RBM43: variants seen among roughly 807,000 people sequenced by gnomAD.
RBM43 encodes RNA binding motif protein 43.
In RBM43, 12 loss-of-function variants were observed where a neutral mutation model predicts 12.4. The observed-to-expected ratio is 0.97, with a 90% CI of 0.62 to 1.57. The LOEUF is 1.57. Among genes scored for constraint, RBM43 ranks in the 40% most tolerant of loss-of-function variants. RBM43 has a pLI of 0.00. For missense variants in RBM43, 348 were observed against 400.1 expected, an observed-to-expected ratio of 0.87 and a Z score of 1.11; for synonymous variants, 138 against 145.7, an observed-to-expected ratio of 0.95 and a Z score of 0.38.
In RBM43 at chr2:151,252,777, C is replaced by CT; in HGVS notation, c.292dup (p.Arg98LysfsTer7). On this transcript the variant is annotated frameshift_variant, in exon 3 of 4. Transcript: ENST00000331426. LOFTEE classifies it low-confidence loss of function (END_TRUNC). ...TACCTTGTCACCAAAATGAGAGACTCTGAGAGAGACTGTGAGTTCAGCATG... is the reference window on the plus strand; with the variant it reads ...TACCTTGTCACCAAAATGAGAGACTCTTGAGAGAGACTGTGAGTTCAGCATG... 1 of 1,604,598 alleles carries CT rather than the reference C, an allele frequency of 6.2e-7. No homozygotes were observed. Among genetic ancestry groups the CT allele is most frequent in the East Asian group, 2.2e-5 (1 of 44,810 alleles).
chr2:151,259,139 A>C (rs79178221), intron 1 of RBM43, among the ~76,000 whole-genome samples: 1,181 of 52,972 alleles, frequency 0.022, 30 homozygotes, highest in East Asian at 0.19. Flanking sequence ...CTTCGTCCCC[A>C]AAAAAAAAAA....
At chr2:151,253,326 C>G (rs76496228) in intron 2 of RBM43, among the ~76,000 whole-genome samples, 4,135 of 152,222 alleles carry the variant, frequency 0.027, 77 homozygotes, top group African/African-American at 0.052. Flanking sequence ...GTGATCTCAA[C>G]CATCTCTATG....
chr2:151,250,962 CAGA>C lies in RBM43; in HGVS notation c.1015_1017del (p.Ser339del), dbSNP rs1558868469. ...ACCCCTTTTTTAAACAGGTAAGTGT[CAGA>C]AGAAGATCCTATAATGTCAATGTGT... On this transcript the variant is annotated inframe_deletion, in exon 4 of 4. Transcript: ENST00000331426. The C allele has an allele frequency of 2.5e-6, 4 of 1,609,550 alleles. No individual in the cohort carries two copies. Among genetic ancestry groups the C allele is most frequent in the Non-Finnish European group, 2.5e-6 (3 of 1,177,910 alleles).
rs752417849 is a variant in RBM43 at position 151,255,563 on chromosome 2, C to T, written c.184G>A (p.Val62Ile). The change falls in exon 2 of 4, where the codon GTT (valine) becomes ATT (isoleucine). Residue 62 changes from valine to isoleucine, a missense_variant. Physicochemically the swap from Val to Ile is conservative, Grantham distance 29. Transcript: ENST00000331426. Reference sequence around the variant, plus strand: ...TTTTCTTTGAATATTACATATGCAACTCCCTTGGTTCTTGTCGGATATATC... The same window carrying T: ...TTTTCTTTGAATATTACATATGCAATTCCCTTGGTTCTTGTCGGATATATC... ...DVIYPTRTKG[V>I]AYVIFKEKKV... 3 of 1,612,988 alleles carry T rather than the reference C, an allele frequency of 1.9e-6. No homozygotes were observed. Among genetic ancestry groups the T allele is most frequent in the Admixed American group, 1.7e-5 (1 of 59,978 alleles).
rs370018390 is a variant in RBM43 at position 151,261,758 on chromosome 2, C to G, written c.-31G>C. On this transcript the variant is annotated 5_prime_UTR_variant, in exon 1 of 4. Transcript: ENST00000331426. ...AGGGGAGACGCGCCCTCAGCGGCCGCAGAAAGCCCACAACCAGCGGAACGC... is the reference window on the plus strand; with the variant it reads ...AGGGGAGACGCGCCCTCAGCGGCCGGAGAAAGCCCACAACCAGCGGAACGC... 2.5e-5 allele frequency: 40 copies of G among 1,598,474 alleles called. No homozygotes were observed. The African/African-American group carries it at 4.9e-4, about 20-fold the overall frequency.
intron 1 of RBM43, among the ~76,000 whole-genome samples, chr2:151,257,218 G>A (rs1458113920): frequency 6.6e-6 from 1 of 152,096 alleles, no homozygotes; most frequent in Non-Finnish European, 1.5e-5. Context: ...GGGGCCCTCA[G>A]TCCAGAGGCC....
At chr2:151,255,111 TA>T (rs1318777441) in intron 2 of RBM43, among the ~76,000 whole-genome samples, 2 of 151,832 alleles carry the variant, frequency 1.3e-5, no homozygotes, top group South Asian at 2.1e-4. Context: ...CACAATAAAA[TA>T]TTTTTTTTTA....
chr2:151,256,167 G>T (rs1682971005), intron 1 of RBM43, among the ~76,000 whole-genome samples: 1 of 151,890 alleles, frequency 6.6e-6, no homozygotes, highest in African/African-American at 2.4e-5. Context: ...TCACCATGTT[G>T]GCCAGGCTGG....
chr2:151,252,705 A>T (rs1295259775), intron 3 of RBM43, 50 bp downstream of exon 3: 1 of 1,027,076 alleles, frequency 9.7e-7, no homozygotes, highest in East Asian at 2.4e-5. Context: ...AAACTTCAAA[A>T]AAGAAATGGG....
chr2:151,254,737 G>A (rs2105190940), intron 2 of RBM43, among the ~76,000 whole-genome samples: 1 of 152,216 alleles, frequency 6.6e-6, no homozygotes, highest in Non-Finnish European at 1.5e-5. Flanking sequence ...TTGGGTGCAG[G>A]GAGCAGAATG....
chr2:151,254,255 A>G (rs1259001216), intron 2 of RBM43, among the ~76,000 whole-genome samples: 1 of 152,028 alleles, frequency 6.6e-6, no homozygotes, highest in African/African-American at 2.4e-5. Flanking sequence ...ACAGGTACTC[A>G]GAAAATATTT....
chr2:151,253,682 T>C (rs1479308630), intron 2 of RBM43, among the ~76,000 whole-genome samples: 1 of 152,180 alleles, frequency 6.6e-6, no homozygotes, highest in Non-Finnish European at 1.5e-5. Context: ...GTCAATCCCC[T>C]GCTTGAAACC....
rs1682966092 is a variant in RBM43 at position 151,255,894 on chromosome 2, C to A, written c.4-151G>T. ...TTAAAAGGGGTGTAGGGGAGTAAATCCTTGCCTCACACCATATACCAACAT... is the reference window on the plus strand; with the variant it reads ...TTAAAAGGGGTGTAGGGGAGTAAATACTTGCCTCACACCATATACCAACAT... On this transcript the variant is annotated intron_variant, in intron 1 of 3. Coordinates refer to ENST00000331426, the MANE Select transcript of RBM43 (RefSeq NM_198557.3). 3 of 616,266 alleles carry A rather than the reference C, an allele frequency of 4.9e-6. No individual in the cohort carries two copies. The South Asian group carries it at 6.0e-5, about 12-fold the overall frequency. The allele number at this position is 616,266 out of a possible 1,614,324, so 38.2% of individuals were successfully genotyped here.
Position 151,255,601 on chromosome 2 carries a change from T to A in RBM43, c.146A>T (p.Asp49Val). 1 of 1,614,010 alleles carries A rather than the reference T, an allele frequency of 6.2e-7. No homozygotes were observed. The highest frequency in any genetic ancestry group is 8.5e-7 in the Non-Finnish European group (1 of 1,179,954). Residue 49 changes from aspartate (D) to valine (V), a missense_variant, in exon 2 of 4, where the codon GAT becomes GTT. Physicochemically the swap from Asp to Val is radical, Grantham distance 152. Coordinates refer to ENST00000331426, the MANE Select transcript of RBM43 (RefSeq NM_198557.3). ...TGTCGGATATATCACATCTTCAACA[T>A]CTCCGCCCTCATTCTTAATGTCTTG... ...HFQDIKNEGG[D>V]VEDVIYPTRT... is the part of the protein sequence containing the mutation.
At chr2:151,259,571 G>A (rs1170571786) in intron 1 of RBM43, among the ~76,000 whole-genome samples, 2 of 151,846 alleles carry the variant, frequency 1.3e-5, no homozygotes, top group African/African-American at 4.8e-5. Context: ...CACAGGAGGT[G>A]GAGGTTGCAG....
intron 1 of RBM43, among the ~76,000 whole-genome samples, chr2:151,259,051 G>A (rs1000204749): frequency 2.0e-5 from 3 of 151,678 alleles, no homozygotes; most frequent in Non-Finnish European, 4.4e-5. Flanking sequence ...GCTGAGGCAG[G>A]AGAATGGCTT....
rs571528938 is a variant in RBM43 at position 151,248,678 on chromosome 2, T to C, written c.*2228A>G. Reference sequence around the variant, plus strand: ...TAAGAAAAACAGACTAAATGATCCCTGTAATGTTTGAATATGTTACTAGCT... The same window carrying C: ...TAAGAAAAACAGACTAAATGATCCCCGTAATGTTTGAATATGTTACTAGCT... On this transcript the variant is annotated 3_prime_UTR_variant, in exon 4 of 4. Coordinates refer to ENST00000331426, the MANE Select transcript of RBM43 (RefSeq NM_198557.3). 1.2e-4 allele frequency: 18 copies of C among 152,194 alleles called. No individual in the cohort carries two copies. The highest frequency in any genetic ancestry group is 3.9e-4 in the African/African-American group (16 of 41,442). 9.4% of individuals were successfully genotyped at this position (152,194 alleles called of 1,614,324 possible).
rs1354211051 is a variant in RBM43 at position 151,248,604 on chromosome 2, T to C, written c.*2302A>G. 2 of 152,196 alleles carry C rather than the reference T, an allele frequency of 1.3e-5. No homozygotes were observed. The highest frequency in any genetic ancestry group is 2.1e-4 in the South Asian group (1 of 4,834). The allele number at this position is 152,196 out of a possible 1,614,324, so 9.4% of individuals were successfully genotyped here. On this transcript the variant is annotated 3_prime_UTR_variant, in exon 4 of 4. Transcript: ENST00000331426. ...TCAAGATATCAATGAAATATGCATA[T>C]CTTATTTGGAGTGTATGATTTTATA...
rs1462198246 is a variant in RBM43 at position 151,261,818 on chromosome 2, G to T, written c.-91C>A. Reference sequence around the variant, plus strand: ...GGAGAGGAGCGAGCAGGCAGGTTTTGGTTTCGTTTTTTGTTCCAGCTCCCT... The same window carrying T: ...GGAGAGGAGCGAGCAGGCAGGTTTTTGTTTCGTTTTTTGTTCCAGCTCCCT... On this transcript the variant is annotated 5_prime_UTR_variant, in exon 1 of 4. Transcript: ENST00000331426. 24 of 1,430,384 alleles carry T rather than the reference G, an allele frequency of 1.7e-5. No individual in the cohort carries two copies. Among genetic ancestry groups the T allele is most frequent in the African/African-American group, 2.4e-5 (1 of 42,004 alleles). The allele number at this position is 1,430,384 out of a possible 1,614,324, so 88.6% of individuals were successfully genotyped here. A position where few individuals can be genotyped will look rare whatever the true frequency, so the allele number is the denominator to read the frequency against.
Sources: allele counts gnomAD v4.1 joint callset (sites outside exome capture counted in the v4.1 genomes callset), GRCh38; gene constraint gnomAD v4.1.1; transcripts MANE v1.5; gene names NCBI Gene and HGNC (gene_info 2026-07-23, HGNC 2026-07-21).